The following PARD3B variants were observed in gnomAD, a reference collection of about 807,000 sequenced individuals.
PARD3B encodes the protein par-3 family cell polarity regulator beta.
Under a neutral mutation model 130.2 loss-of-function variants are expected in PARD3B, and 103 were observed. The observed-to-expected ratio is 0.79, with a 90% CI of 0.67 to 0.93. PARD3B has a LOEUF of 0.93. Among genes scored for constraint, PARD3B ranks in the 40% least tolerant of loss-of-function variants. The pLI is 0.00. For synonymous variants in PARD3B, 583 were observed against 553.2 expected, an observed-to-expected ratio of 1.05 and a Z score of -0.76; for missense variants, 1,609 against 1,499.2, an observed-to-expected ratio of 1.07 and a Z score of -1.21.
chr2:205,497,530 A>G (rs893956998), intron 20 of PARD3B, among the ~76,000 whole-genome samples: 1 of 149,712 alleles, frequency 6.7e-6, no homozygotes, highest in Admixed American at 6.7e-5. Flanking sequence ...ATATTATCAG[A>G]TATCTCATTT....
At chr2:205,293,398 G>A (rs552739637) in intron 16 of PARD3B, 1 of 152,094 alleles carries the variant, frequency 6.6e-6, no homozygotes, top group Non-Finnish European at 1.5e-5. Flanking sequence ...CAAAAGGAAA[G>A]AGAGGGAAAA....
intron 2 of PARD3B, among the ~76,000 whole-genome samples, chr2:204,925,874 A>G (rs941664667): frequency 3.3e-5 from 5 of 151,916 alleles, no homozygotes; most frequent in African/African-American, 1.2e-4. Flanking sequence ...TAATGAGTGA[A>G]TTCTCATGAG....
At chr2:204,998,368 G>GTATATA (rs1235716694) in intron 3 of PARD3B, among the ~76,000 whole-genome samples, 2 of 96,982 alleles carry the variant, frequency 2.1e-5, no homozygotes, top group South Asian at 5.6e-4. Context: ...ATGTGTGTGT[G>GTATATA]TGTGTGTATA....
intron 1 of PARD3B, among the ~76,000 whole-genome samples, chr2:204,553,756 T>C (rs531655849): frequency 2.2e-4 from 32 of 147,306 alleles, no homozygotes; most frequent in African/African-American, 7.6e-4. Flanking sequence ...ATTAATGGCA[T>C]TTGCAGCAAC....
chr2:205,358,175 T>C (rs1354048459), intron 18 of PARD3B, among the ~76,000 whole-genome samples: 1 of 89,194 alleles, frequency 1.1e-5, no homozygotes, highest in Non-Finnish European at 3.1e-5. Flanking sequence ...ACTATTTTGC[T>C]GTTTTCAGAA....
chr2:205,593,261 T>C (rs1469386413), intron 22 of PARD3B, among the ~76,000 whole-genome samples: 1 of 152,254 alleles, frequency 6.6e-6, no homozygotes, highest in East Asian at 1.9e-4. Context: ...CAAGTAAATT[T>C]AAATTTAGTT....
intron 16 of PARD3B, among the ~76,000 whole-genome samples, chr2:205,294,969 A>G (rs1419663836): frequency 1.3e-5 from 2 of 152,210 alleles, no homozygotes; most frequent in African/African-American, 2.4e-5. Flanking sequence ...CACAGATAAC[A>G]TAACTTGGGA....
chr2:204,567,033 C>A (rs1032395726), intron 1 of PARD3B, among the ~76,000 whole-genome samples: 18 of 152,092 alleles, frequency 1.2e-4, no homozygotes, highest in African/African-American at 3.1e-4. Context: ...TGCCCACCAC[C>A]ACGCCCAGCT....
intron 19 of PARD3B, among the ~76,000 whole-genome samples, chr2:205,433,493 C>G (rs1231339132): frequency 6.8e-6 from 1 of 146,462 alleles, no homozygotes; most frequent in Non-Finnish European, 1.5e-5. Flanking sequence ...GATCACGCCA[C>G]TGCACTCCAG....
chr2:205,007,672 G>C (rs1695383191), intron 3 of PARD3B, among the ~76,000 whole-genome samples: 1 of 152,118 alleles, frequency 6.6e-6, no homozygotes, highest in African/African-American at 2.4e-5. Context: ...AGCTATGTGA[G>C]CTCTTTTTTG....
intron 3 of PARD3B, among the ~76,000 whole-genome samples, chr2:205,006,332 G>T (rs1187927837): frequency 6.6e-6 from 1 of 152,134 alleles, no homozygotes; most frequent in Non-Finnish European, 1.5e-5. Flanking sequence ...ATACTAAGTA[G>T]TGAGATTGCT....
chr2:205,317,996 A>G (rs1427063858), intron 18 of PARD3B, among the ~76,000 whole-genome samples: 1 of 152,164 alleles, frequency 6.6e-6, no homozygotes, highest in Non-Finnish European at 1.5e-5. Context: ...ATTCTTAAAA[A>G]TATTATATAA....
intron 19 of PARD3B, among the ~76,000 whole-genome samples, chr2:205,428,163 G>T (rs1229113326): frequency 2.0e-5 from 3 of 151,930 alleles, no homozygotes; most frequent in East Asian, 1.9e-4. Context: ...CAGGTTGATC[G>T]CTTGACCTCG....
At chr2:205,262,493 C>T (rs1300888130) in intron 16 of PARD3B, among the ~76,000 whole-genome samples, 4 of 152,118 alleles carry the variant, frequency 2.6e-5, no homozygotes, top group African/African-American at 9.7e-5. Flanking sequence ...CCAGATTATA[C>T]ATCTGCCCCT....
intron 2 of PARD3B, among the ~76,000 whole-genome samples, chr2:204,803,786 A>AGAAG (rs2042663050): frequency 6.6e-6 from 1 of 152,192 alleles, no homozygotes; most frequent in African/African-American, 2.4e-5. Flanking sequence ...CAGGAAGGAA[A>AGAAG]GAAGGAAGGA....
chr2:204,983,673 GAAGATGAA>G (rs1692880132), intron 3 of PARD3B, among the ~76,000 whole-genome samples: 2 of 152,118 alleles, frequency 1.3e-5, no homozygotes, highest in African/African-American at 4.8e-5. Flanking sequence ...CTTAAAAGCA[GAAGATGAA>G]ATTCCCATGT....
chr2:205,386,204 G>T (rs1247407472), intron 18 of PARD3B, among the ~76,000 whole-genome samples: 1 of 152,136 alleles, frequency 6.6e-6, no homozygotes, highest in African/African-American at 2.4e-5. Context: ...TTTTCCGGGA[G>T]AAGTGATGGA....
chr2:205,406,993 T>G (rs2046436689), intron 19 of PARD3B, among the ~76,000 whole-genome samples: 1 of 152,160 alleles, frequency 6.6e-6, no homozygotes, highest in Non-Finnish European at 1.5e-5. Flanking sequence ...AAATGCTACT[T>G]TGTCCTTAGA....
At chr2:204,999,408 A>G (rs1694640171) in intron 3 of PARD3B, among the ~76,000 whole-genome samples, 1 of 152,210 alleles carries the variant, frequency 6.6e-6, no homozygotes, top group African/African-American at 2.4e-5. Context: ...ACTGTCTGAA[A>G]TTAATTCATG....
Sources: allele counts gnomAD v4.1 joint callset (sites outside exome capture counted in the v4.1 genomes callset), GRCh38; gene constraint gnomAD v4.1.1; transcripts MANE v1.5; gene names NCBI Gene and HGNC (gene_info 2026-07-23, HGNC 2026-07-21).